The following PTPN9 variants were observed in gnomAD, a reference collection of about 807,000 sequenced individuals.
PTPN9 encodes the protein protein tyrosine phosphatase non-receptor type 9, also known as tyrosine-protein phosphatase non-receptor type 9.
PTPN9 carries 26 observed loss-of-function variants against 69.8 expected under a neutral mutation model. The ratio of observed to expected loss-of-function variants is 0.37; its 90% CI spans 0.27 to 0.52. PTPN9 has a LOEUF of 0.52. Among genes scored for constraint, PTPN9 ranks in the 20% least tolerant of loss-of-function variants. The pLI, the probability that PTPN9 is intolerant of heterozygous loss-of-function variation, is 0.91. For synonymous variants in PTPN9, 274 were observed against 272.5 expected, an observed-to-expected ratio of 1.01 and a Z score of -0.05; for missense variants, 549 against 740.3, an observed-to-expected ratio of 0.74 and a Z score of 3.00.
Position 75,479,910 on chromosome 15 carries a change from T to A in PTPN9, c.1067A>T (p.Asp356Val). ...LTKRSGHTQT[D>V]YINASFMDGY... ...ATCCATGAAACTGGCATTGATGTAA[T>A]CTGTCTAATGATAAAAAGGAGACAT... The change falls in exon 9 of 13, where the codon GAT (aspartate) becomes GTT (valine). Residue 356 changes from aspartate (D) to valine (V), a missense_variant. Transcript: ENST00000618819. 1 of 1,604,822 alleles carries A rather than the reference T, an allele frequency of 6.2e-7. No homozygotes were observed. Among genetic ancestry groups the A allele is most frequent in the Non-Finnish European group, 8.5e-7 (1 of 1,173,630 alleles).
At chr15:75,543,029 G>A (rs1479485867) in intron 1 of PTPN9, among the ~76,000 whole-genome samples, 1 of 125,168 alleles carries the variant, frequency 8.0e-6, no homozygotes, top group African/African-American at 3.2e-5. Flanking sequence ...TCCCCGGTGT[G>A]TAATGTTCCC....
intron 11 of PTPN9, 90 bp downstream of exon 11, chr15:75,470,590 G>C: frequency 6.8e-7 from 1 of 1,469,356 alleles, no homozygotes; most frequent in Admixed American, 2.0e-5. Context: ...AACTTCCCTG[G>C]TATCCTACCT....
intron 7 of PTPN9, among the ~76,000 whole-genome samples, chr15:75,491,837 T>G (rs2074712681): frequency 6.6e-6 from 1 of 152,162 alleles, no homozygotes; most frequent in South Asian, 2.1e-4. Flanking sequence ...AAACTCCAGC[T>G]GCAGATAAAA....
chr15:75,536,284 C>T (rs1014563487), intron 1 of PTPN9, among the ~76,000 whole-genome samples: 1 of 152,112 alleles, frequency 6.6e-6, no homozygotes, highest in Non-Finnish European at 1.5e-5. Context: ...CAACATAGAT[C>T]GCTTCTTGGC....
chr15:75,520,798 A>G (rs1371468580), intron 4 of PTPN9, among the ~76,000 whole-genome samples: 1 of 151,896 alleles, frequency 6.6e-6, no homozygotes, highest in Non-Finnish European at 1.5e-5. Context: ...TACACGCGTG[A>G]GCCACCAGAA....
chr15:75,473,209 G>T (rs1190528976), intron 10 of PTPN9, among the ~76,000 whole-genome samples: 1 of 152,054 alleles, frequency 6.6e-6, no homozygotes, highest in Non-Finnish European at 1.5e-5. Context: ...GATTAGCTAA[G>T]AGATATCTCA....
chr15:75,554,106 C>T (rs2075066951), intron 1 of PTPN9, among the ~76,000 whole-genome samples: 1 of 150,260 alleles, frequency 6.7e-6, no homozygotes, highest in Admixed American at 6.7e-5. Flanking sequence ...GCAGCCTCAA[C>T]CTTACAGGCT....
At chr15:75,556,372 T>C (rs921343073) in intron 1 of PTPN9, among the ~76,000 whole-genome samples, 1 of 150,106 alleles carries the variant, frequency 6.7e-6, no homozygotes, top group Admixed American at 6.7e-5. Context: ...TTTTTTTTAA[T>C]TATTATTTTA....
rs530779124 is a variant in PTPN9 at position 75,470,661 on chromosome 15, A to G, written c.1359+19T>C. On this transcript the variant is annotated intron_variant, in intron 11 of 12. Transcript: ENST00000618819. ...TCCCCCTGTTTCAACAAGGTGAGAA[A>G]AAAGAAACCTGGATTTACCTCTGTG... 6.2e-7 allele frequency: 1 copy of G among 1,610,482 alleles called. No individual in the cohort carries two copies. The highest frequency in any genetic ancestry group is 1.3e-5 in the African/African-American group (1 of 74,776).
Position 75,578,826 on chromosome 15 carries a change from G to T in PTPN9, c.-50C>A. The T allele has an allele frequency of 4.3e-6, 5 of 1,165,104 alleles. No homozygotes were observed. The highest frequency in any genetic ancestry group is 3.6e-5 in the East Asian group (1 of 27,666). 72.2% of individuals were successfully genotyped at this position (1,165,104 alleles called of 1,614,324 possible). ...ACAAAACTCGCTCGCGAGCGCGGGA[G>T]CCCGGCGCGCTCGGCCTCCGCTTCC... On this transcript the variant is annotated 5_prime_UTR_variant, in exon 1 of 13. Coordinates refer to ENST00000618819, the MANE Select transcript of PTPN9 (RefSeq NM_002833.4).
At chr15:75,549,205 A>AT (rs924552604) in intron 1 of PTPN9, among the ~76,000 whole-genome samples, 9 of 151,210 alleles carry the variant, frequency 6.0e-5, no homozygotes, top group African/African-American at 9.7e-5. Context: ...TTCCAATTTC[A>AT]TTTTTTTTTC....
At chr15:75,473,887 A>G in intron 9 of PTPN9, 120 bp from the exon 10 acceptor site, 1 of 710,358 alleles carries the variant, frequency 1.4e-6, no homozygotes, top group Non-Finnish European at 2.5e-6. Context: ...CTCCCTGCTC[A>G]TCTTTCCACA....
At chr15:75,505,071 T>C (rs2074810805) in intron 7 of PTPN9, among the ~76,000 whole-genome samples, 1 of 152,196 alleles carries the variant, frequency 6.6e-6, no homozygotes. Flanking sequence ...CGTGTCTGTG[T>C]AGAAAGTAGA....
At chr15:75,561,810 A>G (rs532711847) in intron 1 of PTPN9, among the ~76,000 whole-genome samples, 3 of 152,218 alleles carry the variant, frequency 2.0e-5, no homozygotes, top group African/African-American at 7.2e-5. Context: ...CCTGGATTCA[A>G]GAGATTCTCC....
chr15:75,528,399 T>C (rs1480852069), intron 1 of PTPN9, among the ~76,000 whole-genome samples: 1 of 152,078 alleles, frequency 6.6e-6, no homozygotes, highest in Non-Finnish European at 1.5e-5. Context: ...TTTTCTTTTT[T>C]TGAGACAGGG....
intron 7 of PTPN9, among the ~76,000 whole-genome samples, chr15:75,494,804 T>TCC (rs1045394770): frequency 2.2e-4 from 33 of 151,670 alleles, no homozygotes; most frequent in Non-Finnish European, 3.8e-4. Flanking sequence ...AGGGCAGATC[T>TCC]CCTGAAGTCA....
At chr15:75,573,393 A>G (rs920188201) in intron 1 of PTPN9, among the ~76,000 whole-genome samples, 10 of 152,212 alleles carry the variant, frequency 6.6e-5, no homozygotes, top group African/African-American at 2.4e-4. Flanking sequence ...TCGTAGCCCA[A>G]TTGTAGGCTT....
At chr15:75,547,815 G>A (rs534786967) in intron 1 of PTPN9, among the ~76,000 whole-genome samples, 88 of 151,638 alleles carry the variant, frequency 5.8e-4, no homozygotes, top group African/African-American at 1.9e-3. Context: ...ACAGGCATGC[G>A]CCACCACACC....
At chr15:75,506,878 C>T (rs2074822466) in intron 6 of PTPN9, among the ~76,000 whole-genome samples, 1 of 151,986 alleles carries the variant, frequency 6.6e-6, no homozygotes, top group African/African-American at 2.4e-5. Context: ...GCACAGCTCA[C>T]CTCTTCTGTG....
Sources: allele counts gnomAD v4.1 joint callset (sites outside exome capture counted in the v4.1 genomes callset), GRCh38; gene constraint gnomAD v4.1.1; transcripts MANE v1.5; gene names NCBI Gene and HGNC (gene_info 2026-07-23, HGNC 2026-07-21).